Variants in ZBTB20 observed in about 807,000 individuals in gnomAD.
The protein encoded by ZBTB20 is zinc finger and BTB domain containing 20, also known as zinc finger and BTB domain-containing protein 20.
ZBTB20 carries 9 observed loss-of-function variants against 56.9 expected under a neutral mutation model. That is an observed-to-expected ratio of 0.16 (90% confidence interval 0.10 to 0.28). The LOEUF (loss-of-function observed/expected upper bound fraction) is 0.28, where lower values mean the gene tolerates loss of function less well. Ranked by LOEUF, ZBTB20 falls within the 10% of genes least tolerant of loss-of-function variation. The pLI, the probability that ZBTB20 is intolerant of heterozygous loss-of-function variation, is 1.00. For synonymous variants in ZBTB20, 417 were observed against 420.7 expected (o/e 0.99, Z 0.11); for missense variants, 655 against 1,003.0 (o/e 0.65, Z 4.69).
chr3:114,811,785 C>A (rs2072530276), intron 4 of ZBTB20, among the ~76,000 whole-genome samples: 1 of 125,414 alleles, frequency 8.0e-6, no homozygotes, highest in African/African-American at 3.0e-5. Context: ...CCTGAAACAT[C>A]ACATACATTG....
chr3:114,891,915 C>T (rs1030395985), intron 4 of ZBTB20, among the ~76,000 whole-genome samples: 6 of 151,860 alleles, frequency 4.0e-5, no homozygotes, highest in African/African-American at 9.7e-5. Context: ...GGTGTGGTGG[C>T]GGGCACCTGT....
rs573831458 is a variant in ZBTB20, at chr3:114,976,533, G to A, written c.-506-2117C>T. Among the ~76,000 whole-genome samples the A allele has an allele frequency of 3.6e-3, 542 of 152,028 alleles. 3 individuals are homozygous for A. The highest frequency in any genetic ancestry group is 0.012 in the African/African-American group (514 of 41,452). On this transcript the variant is annotated intron_variant, in intron 2 of 11. Transcript: ENST00000675478. ...CCCAGCTACTCAGGAGGCTGAAGCA[G>A]GAGAATTGCTTGATCCTAAGAGGTG...
chr3:115,078,945 T>G (rs2082696813), intron 1 of ZBTB20, among the ~76,000 whole-genome samples: 1 of 152,108 alleles, frequency 6.6e-6, no homozygotes, highest in Non-Finnish European at 1.5e-5. Context: ...AGTTGAAGCT[T>G]AAAAGTTATT....
chr3:114,446,334 T>C (rs896755192), intron 7 of ZBTB20, among the ~76,000 whole-genome samples: 1 of 152,194 alleles, frequency 6.6e-6, no homozygotes, highest in South Asian at 2.1e-4. Context: ...CATTTTCTTG[T>C]TTTAAACTAC....
At chr3:114,411,665 T>C (rs950745670) in intron 7 of ZBTB20, among the ~76,000 whole-genome samples, 6 of 152,158 alleles carry the variant, frequency 3.9e-5, no homozygotes, top group African/African-American at 1.4e-4. Flanking sequence ...TTACCCATTA[T>C]CTACCCTGCT....
rs961541748 is a variant in ZBTB20 at position 114,336,807 on chromosome 3, G to A, written c.*2198C>T. 2.6e-5 allele frequency: 4 copies of A among 152,122 alleles called. No individual in the cohort carries two copies. The highest frequency in any genetic ancestry group is 5.9e-5 in the Non-Finnish European group (4 of 68,016). The allele number at this position is 152,122 out of a possible 1,614,324, so 9.4% of individuals were successfully genotyped here. ...TAATGTAATTTTGAAACTAAAATAC[G>A]CTCTCCTTTCTTCTTTTTAAAACTG... On this transcript the variant is annotated 3_prime_UTR_variant, in exon 12 of 12. Transcript: ENST00000675478.
At position 114,885,797 on chromosome 3, in the gene ZBTB20, A is replaced by G. The variant is rs532485730; in HGVS notation, c.-417+14507T>C. 2.0e-5 allele frequency among the ~76,000 whole-genome samples: 3 copies of G among 152,314 alleles called. No individual in the cohort carries two copies. In the South Asian group the frequency reaches 6.2e-4, roughly 32 times the overall value. ...TGTAAAATTTTTCTGTCCTCTGAGC[A>G]TACAATTATATTTTATCCAGAACAG... On this transcript the variant is annotated intron_variant, in intron 4 of 11. Coordinates refer to ENST00000675478, the MANE Select transcript of ZBTB20 (RefSeq NM_001348800.3).
chr3:114,978,500 A>T (rs1017215974), intron 2 of ZBTB20, among the ~76,000 whole-genome samples: 3 of 151,730 alleles, frequency 2.0e-5, no homozygotes, highest in Admixed American at 1.3e-4. Context: ...TAGACATGGC[A>T]AGTGAAAATA....
At chr3:114,602,575 C>T (rs751564990) in intron 6 of ZBTB20, among the ~76,000 whole-genome samples, 2 of 151,948 alleles carry the variant, frequency 1.3e-5, no homozygotes, top group Non-Finnish European at 2.9e-5. Flanking sequence ...TTCTGCCTCT[C>T]CTCTCCAAAT....
At chr3:114,952,884 T>C (rs2077120151) in intron 3 of ZBTB20, among the ~76,000 whole-genome samples, 4 of 151,888 alleles carry the variant, frequency 2.6e-5, no homozygotes. Context: ...GATACAACAT[T>C]GCCACTGATA....
intron 2 of ZBTB20, among the ~76,000 whole-genome samples, chr3:114,996,687 TAC>T (rs1366071433): frequency 6.6e-6 from 1 of 151,926 alleles, no homozygotes; most frequent in Admixed American, 6.6e-5. Flanking sequence ...TTTTATAACA[TAC>T]ACATATGTCT....
chr3:114,521,231 G>T (rs1016386653), intron 6 of ZBTB20, among the ~76,000 whole-genome samples: 1 of 152,102 alleles, frequency 6.6e-6, no homozygotes, highest in African/African-American at 2.4e-5. Context: ...TCAACTGTCA[G>T]TCAGAATGTT....
chr3:114,670,610 C>A (rs1346384809), intron 6 of ZBTB20, among the ~76,000 whole-genome samples: 1 of 151,962 alleles, frequency 6.6e-6, no homozygotes, highest in Admixed American at 6.6e-5. Flanking sequence ...ATTTCTAGAA[C>A]AAGGTGCAGA....
At chr3:114,380,660 T>C in intron 9 of ZBTB20, 117 bp downstream of exon 9, 1 of 1,382,336 alleles carries the variant, frequency 7.2e-7, no homozygotes. Flanking sequence ...AAAAAGACCC[T>C]GTCCCAGAAC....
intron 3 of ZBTB20, among the ~76,000 whole-genome samples, chr3:114,964,131 T>C (rs771786539): frequency 1.3e-5 from 2 of 152,204 alleles, no homozygotes; most frequent in Admixed American, 6.6e-5. Context: ...AAAACTTTAA[T>C]AGGCTGGGTG....
At chr3:114,525,740 T>C (rs1467935530) in intron 6 of ZBTB20, among the ~76,000 whole-genome samples, 1 of 152,162 alleles carries the variant, frequency 6.6e-6, no homozygotes, top group Non-Finnish European at 1.5e-5. Context: ...GTAGGGCAGA[T>C]AACGGGTATT....
intron 4 of ZBTB20, among the ~76,000 whole-genome samples, chr3:114,896,666 G>A (rs539800384): frequency 6.6e-6 from 1 of 152,046 alleles, no homozygotes; most frequent in African/African-American, 2.4e-5. Context: ...ACATGAAAGT[G>A]TTATATAGAG....
chr3:114,667,946 A>T (rs2061152125), intron 6 of ZBTB20, among the ~76,000 whole-genome samples: 1 of 151,974 alleles, frequency 6.6e-6, no homozygotes, highest in South Asian at 2.1e-4. Flanking sequence ...GGAAATGGGG[A>T]TTATAAAATG....
chr3:115,100,189 C>A (rs1182645148), intron 1 of ZBTB20: 2 of 151,686 alleles, frequency 1.3e-5, no homozygotes, highest in African/African-American at 4.9e-5. Flanking sequence ...TTCCCCAGCG[C>A]TGAGTTTCTC....
Sources: allele counts gnomAD v4.1 joint callset (sites outside exome capture counted in the v4.1 genomes callset), GRCh38; gene constraint gnomAD v4.1.1; transcripts MANE v1.5; gene names NCBI Gene and HGNC (gene_info 2026-07-23, HGNC 2026-07-21).